Variants in KIAA1328 observed in about 807,000 individuals in gnomAD.
The protein encoded by KIAA1328 is KIAA1328.
Under a neutral mutation model 68.1 loss-of-function variants are expected in KIAA1328, and 52 were observed. That is an observed-to-expected ratio of 0.76 (90% CI 0.61 to 0.96). KIAA1328 has a LOEUF of 0.96. KIAA1328 is among the 40% of genes least tolerant of loss of function. KIAA1328 has a pLI of 0.00. For synonymous variants in KIAA1328, 232 were observed against 239.4 expected (o/e 0.97, Z 0.28); for missense variants, 641 against 677.6 (o/e 0.95, Z 0.60).
intron 9 of KIAA1328, among the ~76,000 whole-genome samples, chr18:37,195,912 T>C (rs2059995033): frequency 6.6e-6 from 1 of 152,210 alleles, no homozygotes; most frequent in Non-Finnish European, 1.5e-5. Context: ...TTTAACAATA[T>C]TAATTCTTTC....
intron 6 of KIAA1328, among the ~76,000 whole-genome samples, chr18:36,994,426 C>T (rs1460784868): frequency 6.6e-6 from 1 of 152,172 alleles, no homozygotes; most frequent in African/African-American, 2.4e-5. Context: ...GAGTCATAAT[C>T]TCAGTGGACG....
intron 2 of KIAA1328, among the ~76,000 whole-genome samples, chr18:36,834,785 C>A (rs1244434749): frequency 3.3e-5 from 5 of 152,026 alleles, no homozygotes; most frequent in Non-Finnish European, 7.4e-5. Context: ...TGAAAAATAT[C>A]ATTGATTTCC....
At position 37,066,178 on chromosome 18, in the gene KIAA1328, C is replaced by G. The variant is rs116460304; in HGVS notation, c.577-712C>G. On this transcript the variant is annotated intron_variant, in intron 6 of 9. Transcript: ENST00000280020. ...TCTCGCTGACAGAACAGACTTACAG[C>G]TAAAATGTTGGAAAATCTGACTCTA... 7.5e-3 allele frequency among the ~76,000 whole-genome samples: 1,139 copies of G among 152,294 alleles called. 14 individuals are homozygous for G. The highest frequency in any genetic ancestry group is 0.026 in the African/African-American group (1,093 of 41,556).
intron 6 of KIAA1328, among the ~76,000 whole-genome samples, chr18:36,975,474 GC>G (rs2052433480): frequency 6.6e-6 from 1 of 152,142 alleles, no homozygotes; most frequent in African/African-American, 2.4e-5. Flanking sequence ...GAGCCACCGC[GC>G]CCGGCCTACA....
intron 6 of KIAA1328, among the ~76,000 whole-genome samples, chr18:37,060,456 A>G (rs960153254): frequency 6.6e-6 from 1 of 152,198 alleles, no homozygotes; most frequent in African/African-American, 2.4e-5. Context: ...TTCACTGCAC[A>G]CACACCAAAA....
At chr18:37,215,490 G>A (rs1199254525) in intron 9 of KIAA1328, among the ~76,000 whole-genome samples, 3 of 152,200 alleles carry the variant, frequency 2.0e-5, no homozygotes, top group African/African-American at 7.2e-5. Flanking sequence ...GCATCCCAGG[G>A]ATGAAGCCAA....
intron 3 of KIAA1328, among the ~76,000 whole-genome samples, chr18:36,843,375 T>A (rs1170872529): frequency 6.6e-6 from 1 of 152,206 alleles, no homozygotes; most frequent in Non-Finnish European, 1.5e-5. Context: ...GTAATTGGAC[T>A]AACTTAACTT....
chr18:37,050,246 A>AT (rs2055637794), intron 6 of KIAA1328, among the ~76,000 whole-genome samples: 1 of 150,570 alleles, frequency 6.6e-6, no homozygotes, highest in African/African-American at 2.5e-5. Context: ...AAAAGGAAAA[A>AT]GAAAAAAGGT....
chr18:36,933,419 A>C (rs1486604965), intron 5 of KIAA1328, among the ~76,000 whole-genome samples: 1 of 152,156 alleles, frequency 6.6e-6, no homozygotes, highest in Non-Finnish European at 1.5e-5. Flanking sequence ...GTTCCAGGCC[A>C]CGGGGCCCTC....
At chr18:36,848,845 GA>G (rs1410191120) in intron 4 of KIAA1328, among the ~76,000 whole-genome samples, 37 of 151,066 alleles carry the variant, frequency 2.4e-4, no homozygotes, top group African/African-American at 8.0e-4. Flanking sequence ...TTCCGTTAAT[GA>G]GGTAAACTAC....
chr18:37,022,874 T>A (rs959246115), intron 6 of KIAA1328, among the ~76,000 whole-genome samples: 1 of 152,184 alleles, frequency 6.6e-6, no homozygotes, highest in African/African-American at 2.4e-5. Flanking sequence ...CCATCACACA[T>A]TCTGTTGGCT....
chr18:37,057,289 C>T (rs1477539983), intron 6 of KIAA1328, among the ~76,000 whole-genome samples: 1 of 151,998 alleles, frequency 6.6e-6, no homozygotes, highest in East Asian at 1.9e-4. Context: ...TCATATATAG[C>T]CCACTGCATG....
chr18:36,849,396 C>CTT (rs778401242), intron 4 of KIAA1328, among the ~76,000 whole-genome samples: 11 of 151,954 alleles, frequency 7.2e-5, no homozygotes, highest in African/African-American at 9.7e-5. Context: ...CCAAAGGAAA[C>CTT]TATCTGTTCA....
intron 5 of KIAA1328, among the ~76,000 whole-genome samples, chr18:36,909,989 G>T (rs1395298408): frequency 1.3e-5 from 2 of 151,812 alleles, no homozygotes; most frequent in African/African-American, 4.8e-5. Context: ...TGTTTTTTTT[G>T]TGTAAATTTG....
intron 5 of KIAA1328, among the ~76,000 whole-genome samples, chr18:36,954,697 T>C (rs2051329045): frequency 6.6e-6 from 1 of 151,464 alleles, no homozygotes; most frequent in South Asian, 2.1e-4. Context: ...CTTTTTTTTT[T>C]TTTTTTTTCT....
chr18:37,220,092 T>C (rs891233547), intron 9 of KIAA1328, among the ~76,000 whole-genome samples: 1 of 152,224 alleles, frequency 6.6e-6, no homozygotes, highest in Middle Eastern at 3.2e-3. Flanking sequence ...ATAAAGTATT[T>C]CCAAATATGA....
chr18:37,218,161 T>A (rs1342906020), intron 9 of KIAA1328, among the ~76,000 whole-genome samples: 1 of 152,242 alleles, frequency 6.6e-6, no homozygotes, highest in Non-Finnish European at 1.5e-5. Context: ...GACAAATGGT[T>A]ACAAAAAGAG....
At chr18:36,839,544 T>C (rs1361618648) in intron 3 of KIAA1328, among the ~76,000 whole-genome samples, 1 of 152,210 alleles carries the variant, frequency 6.6e-6, no homozygotes, top group Non-Finnish European at 1.5e-5. Context: ...CATTTGTGGA[T>C]AGGTTTCAAT....
chr18:36,938,101 C>G (rs1249690677), intron 5 of KIAA1328, among the ~76,000 whole-genome samples: 2 of 152,148 alleles, frequency 1.3e-5, no homozygotes, highest in Non-Finnish European at 2.9e-5. Flanking sequence ...ATTGCAGTTC[C>G]TTTGGGTATA....
Sources: allele counts gnomAD v4.1 joint callset (sites outside exome capture counted in the v4.1 genomes callset), GRCh38; gene constraint gnomAD v4.1.1; transcripts MANE v1.5; gene names NCBI Gene and HGNC (gene_info 2026-07-23, HGNC 2026-07-21).